The following NLRP5 variants were observed in gnomAD, a reference collection of about 807,000 sequenced individuals.
The protein encoded by NLRP5 is NACHT, LRR and PYD domains-containing protein 5.
NLRP5 carries 93 observed loss-of-function variants against 113.1 expected under a neutral mutation model. That is an observed-to-expected ratio of 0.82 (90% confidence interval 0.70 to 0.98). NLRP5 has a LOEUF of 0.98. NLRP5 is among the 50% of genes least tolerant of loss of function. NLRP5 has a pLI of 0.00. For synonymous variants in NLRP5, 751 were observed against 600.7 expected (o/e 1.25, Z -3.66); for missense variants, 1,808 against 1,514.3 (o/e 1.19, Z -3.22).
upstream of NLRP5, among the ~76,000 whole-genome samples, chr19:55,998,728 ATGTG>A (rs1555762463): frequency 3.8e-5 from 5 of 130,336 alleles, no homozygotes; most frequent in Non-Finnish European, 6.3e-5. Context: ...ATATATATAT[ATGTG>A]TATATATATA....
Position 56,028,284 on chromosome 19 carries a change from C to A in NLRP5, c.2051C>A (p.Thr684Asn). The change falls in exon 7 of 15, where the codon ACC (threonine) becomes AAC (asparagine). Residue 684 changes from threonine to asparagine, a missense_variant. Coordinates refer to ENST00000390649, the MANE Select transcript of NLRP5 (RefSeq NM_153447.4). ...CCTAATGCCACCACCCCAGGAGACA[C>A]CCTGGACGCCTTCCACTGTCTTTTC... 3 of 1,613,906 alleles carry A rather than the reference C, an allele frequency of 1.9e-6. No homozygotes were observed. The South Asian group carries it at 3.3e-5, about 18-fold the overall frequency.
intron 11 of NLRP5, among the ~76,000 whole-genome samples, chr19:56,045,494 A>G (rs1485945757): frequency 2.0e-5 from 3 of 151,846 alleles, no homozygotes; most frequent in African/African-American, 7.3e-5. Flanking sequence ...TACATGTGGC[A>G]TGTTGGTATG....
At chr19:56,005,126 AATATATACACACACAC>A (rs1981813929) in intron 2 of NLRP5, among the ~76,000 whole-genome samples, 11 of 142,324 alleles carry the variant, frequency 7.7e-5, no homozygotes, top group Admixed American at 6.5e-4. Context: ...ATATATATAT[AATATATACACACACAC>A]ATATATACAC....
the NLRP5 span, chr19:55,987,715 G>C: frequency 2.4e-6 from 2 of 824,412 alleles, no homozygotes; most frequent in Admixed American, 1.9e-5. Flanking sequence ...GGAGGGGTAC[G>C]GTCTGTAGAA....
chr19:55,998,161 TTA>T (rs1286583682), upstream of NLRP5, among the ~76,000 whole-genome samples: 1 of 152,138 alleles, frequency 6.6e-6, no homozygotes, highest in African/African-American at 2.4e-5. Flanking sequence ...TAGATTTATC[TTA>T]TCTCAGTCCT....
At position 56,014,389 on chromosome 19, in the gene NLRP5, G is replaced by A. The variant is rs537135793; in HGVS notation, c.509-1353G>A. 2.6e-4 allele frequency among the ~76,000 whole-genome samples: 40 copies of A among 151,836 alleles called. No individual in the cohort carries two copies. In the East Asian group the frequency reaches 7.4e-3, roughly 28 times the overall value. ...CAGCTCCTTGAGAGAGTGAGGCAGG[G>A]GAATCGCTTGAACCCAGGAGGTGGA... On this transcript the variant is annotated intron_variant, in intron 3 of 14. Transcript: ENST00000390649.
At chr19:56,013,600 T>TTTG in intron 3 of NLRP5, among the ~76,000 whole-genome samples, 1 of 130,774 alleles carries the variant, frequency 7.6e-6, no homozygotes, top group East Asian at 2.4e-4. Context: ...ATTTGGGTTT[T>TTTG]TTTTTTTTTT....
chr19:56,055,533 CTGTCTT>C lies in NLRP5; in HGVS notation c.3299+1727_3299+1732del, dbSNP rs1487926975. Among the ~76,000 whole-genome samples, 28 of 99,550 alleles carry C rather than the reference CTGTCTT, an allele frequency of 2.8e-4. 1 individual carries two copies. Among genetic ancestry groups the C allele is most frequent in the South Asian group, 1.6e-3 (5 of 3,062 alleles). The allele number at this position is 99,550 out of a possible 152,430, so 65.3% of individuals were successfully genotyped here. ...AGCTCCATGTTCTATTTTTCTTTCTCTGTCTTTTTTTTTTTTTTTTTTTTTTTTTTA... is the reference window on the plus strand; with the variant it reads ...AGCTCCATGTTCTATTTTTCTTTCTCTTTTTTTTTTTTTTTTTTTTTTTTA... On this transcript the variant is annotated intron_variant, in intron 13 of 14. Transcript: ENST00000390649.
chr19:56,014,169 G>A (rs1284490022), intron 3 of NLRP5, among the ~76,000 whole-genome samples: 1 of 151,926 alleles, frequency 6.6e-6, no homozygotes, highest in African/African-American at 2.4e-5. Context: ...TGTGCTTTTG[G>A]TGTTATATCT....
chr19:56,050,762 T>C (rs1983905271), intron 12 of NLRP5, among the ~76,000 whole-genome samples, 174 bp downstream of exon 12: 2 of 152,260 alleles, frequency 1.3e-5, no homozygotes, highest in Admixed American at 1.3e-4. Flanking sequence ...ACGGTGAGCA[T>C]GGGAAGGGCC....
At chr19:56,022,751 T>C (rs1333073221) in intron 6 of NLRP5, among the ~76,000 whole-genome samples, 1 of 152,092 alleles carries the variant, frequency 6.6e-6, no homozygotes, top group Non-Finnish European at 1.5e-5. Flanking sequence ...TGAGACTGAG[T>C]TTAGCTCTTG....
rs973422972 is a variant in NLRP5 at position 56,004,038 on chromosome 19, A to G, written c.385A>G (p.Ile129Val). The change falls in exon 2 of 15, where the codon ATC becomes GTC. Residue 129 changes from isoleucine (I) to valine (V), a missense_variant. Ile to Val is a conservative substitution (Grantham distance 29). Transcript: ENST00000390649. ...GCTGGCCTGGGCTACGTCCATTAGC[A>G]TCTTTGAAAACATGAACCTGCGAAC... The G allele has an allele frequency of 5.0e-6, 8 of 1,613,628 alleles. No individual in the cohort carries two copies. The highest frequency in any genetic ancestry group is 3.3e-4 in the Middle Eastern group (2 of 6,060).
chr19:56,018,548 A>C (rs1982493583), intron 4 of NLRP5: 1 of 152,356 alleles, frequency 6.6e-6, no homozygotes, highest in South Asian at 2.1e-4. Flanking sequence ...TCTTACAAAT[A>C]GTTTATGACA....
intron 4 of NLRP5, 89 bp from the exon 5 acceptor site, chr19:56,019,253 T>C: frequency 2.1e-6 from 3 of 1,405,022 alleles, no homozygotes; most frequent in Admixed American, 1.9e-5. Flanking sequence ...AAAATAAATA[T>C]GGCATGACTA....
At chr19:56,050,879 TTATC>T (rs766662565) in intron 12 of NLRP5, among the ~76,000 whole-genome samples, 11 of 152,192 alleles carry the variant, frequency 7.2e-5, no homozygotes, top group Non-Finnish European at 1.5e-4. Flanking sequence ...CTTCAGCTAT[TTATC>T]TGTATGGAGA....
intron 13 of NLRP5, among the ~76,000 whole-genome samples, chr19:56,056,511 C>T (rs150051679): frequency 7.3e-4 from 111 of 151,980 alleles, no homozygotes; most frequent in African/African-American, 2.6e-3. Flanking sequence ...GAACCGAGAA[C>T]GTGCCACTGC....
chr19:56,048,481 G>C (rs989735857), intron 11 of NLRP5, among the ~76,000 whole-genome samples: 1 of 152,024 alleles, frequency 6.6e-6, no homozygotes, highest in African/African-American at 2.4e-5. Flanking sequence ...CATATAAAAT[G>C]CTTAGTTTTG....
chr19:56,042,542 T>C (rs1336603948), intron 11 of NLRP5, among the ~76,000 whole-genome samples: 1 of 152,134 alleles, frequency 6.6e-6, no homozygotes, highest in Non-Finnish European at 1.5e-5. Context: ...AGAGGCAGGG[T>C]TTCACCATGT....
intron 11 of NLRP5, among the ~76,000 whole-genome samples, chr19:56,045,633 C>T (rs1983695035): frequency 6.6e-6 from 1 of 152,036 alleles, no homozygotes; most frequent in Admixed American, 6.6e-5. Flanking sequence ...CAATTCCCAC[C>T]TATGAGTTGA....
Sources: gnomAD v4.1 joint callset for allele counts (sites outside exome capture counted in the v4.1 genomes callset) on GRCh38, gnomAD v4.1.1 for gene constraint, MANE v1.5 for transcripts, NCBI Gene and HGNC (gene_info 2026-07-23, HGNC 2026-07-21) for gene names.